The following AJUBA variants were observed in gnomAD, a reference collection of about 807,000 sequenced individuals.
The protein encoded by AJUBA is ajuba LIM protein, also known as LIM domain-containing protein ajuba.
A neutral mutation model predicts 53.3 loss-of-function variants in AJUBA; 20 were observed. That is an observed-to-expected ratio of 0.38 (90% CI 0.26 to 0.55). AJUBA has a LOEUF of 0.55. Among genes scored for constraint, AJUBA ranks in the 20% least tolerant of loss-of-function variants. AJUBA has a pLI of 0.80. For missense variants in AJUBA, 580 were observed against 730.5 expected, an observed-to-expected ratio of 0.79 and a Z score of 2.38; for synonymous variants, 296 against 306.2, an observed-to-expected ratio of 0.97 and a Z score of 0.35.
Position 22,979,964 on chromosome 14 carries a change from T to A in AJUBA, c.1006+1297A>T, listed in dbSNP as rs1173320372. Among the ~76,000 whole-genome samples the A allele has an allele frequency of 6.6e-6, 1 of 151,888 alleles. No individual in the cohort carries two copies. Among genetic ancestry groups the A allele is most frequent in the Non-Finnish European group, 1.5e-5 (1 of 67,994 alleles). On this transcript the variant is annotated intron_variant, in intron 1 of 7. Coordinates refer to ENST00000262713, the MANE Select transcript of AJUBA (RefSeq NM_032876.6). The surrounding 1 kb of genome is among the most constrained non-coding windows in gnomAD (Gnocchi z 4.0). ...GGTTTGGCATCATCTCCTCTGGGCTTTCCTCTCGGTGGATTTGGAGGTGGG... is the reference window on the plus strand; with the variant it reads ...GGTTTGGCATCATCTCCTCTGGGCTATCCTCTCGGTGGATTTGGAGGTGGG...
chr14:22,977,930 C>A (rs985798930), intron 2 of AJUBA, among the ~76,000 whole-genome samples: 3 of 151,596 alleles, frequency 2.0e-5, no homozygotes, highest in African/African-American at 4.9e-5. Flanking sequence ...ACCCCCCTCT[C>A]CGCCCCAAAC....
intron 4 of AJUBA, 23 bp from the exon 5 acceptor site, chr14:22,975,127 A>T (rs1309389278): frequency 6.2e-7 from 1 of 1,602,580 alleles, no homozygotes; most frequent in Non-Finnish European, 8.5e-7. Context: ...GTAGCAAGAG[A>T]ATCAGTCTCC....
chr14:22,976,684 G>A lies in AJUBA; in HGVS notation c.1137C>T (p.Tyr379=), dbSNP rs749462895. The A allele has an allele frequency of 1.9e-6, 3 of 1,614,076 alleles. No homozygotes were observed. The highest frequency in any genetic ancestry group is 2.2e-5 in the South Asian group (2 of 91,054). ...CACAGTACACAGAGCCATTGACACT[G>A]TAGAAAGCCTTGCAACGCAAAGTTC... The part of the protein sequence containing the change: ...CGRTLRCKAF[Y]SVNGSVYCEE... Residue 379 remains tyrosine (Y), a synonymous_variant, in exon 3 of 8, where the codon TAC becomes TAT. Transcript: ENST00000262713.
rs2045102123 is a variant in AJUBA, at chr14:22,981,863, G to A, written c.404C>T (p.Pro135Leu). Residue 135 changes from proline (P) to leucine (L), a missense_variant, in exon 1 of 8, where the codon CCG (proline) becomes CTG (leucine). Coordinates refer to ENST00000262713, the MANE Select transcript of AJUBA (RefSeq NM_032876.6). ...CAGCAGGCTGCCCCGGGGGCTGGACGGCTTGCTCGCGTCGCTGGCCGAGCT... is the reference window on the plus strand; with the variant it reads ...CAGCAGGCTGCCCCGGGGGCTGGACAGCTTGCTCGCGTCGCTGGCCGAGCT... ...ASSSASDASK[P>L]SSPRGSLLLD... The A allele has an allele frequency of 6.5e-7, 1 of 1,534,366 alleles. No individual in the cohort carries two copies. The highest frequency in any genetic ancestry group is 8.7e-7 in the Non-Finnish European group (1 of 1,145,972).
chr14:22,973,242 C>T lies in AJUBA; in HGVS notation c.*201G>A. The T allele has an allele frequency of 1.2e-6, 1 of 817,002 alleles. No homozygotes were observed. The highest frequency in any genetic ancestry group is 1.9e-6 in the Non-Finnish European group (1 of 539,156). The allele number at this position is 817,002 out of a possible 1,614,324, so 50.6% of individuals were successfully genotyped here. A position where few individuals can be genotyped will look rare whatever the true frequency, so the allele number is the denominator to read the frequency against. ...ACACATGGGAAAAAGGCCAGTCGCCCCCACCCTGGTAAATATAAGGTTTCT... is the reference window on the plus strand; with the variant it reads ...ACACATGGGAAAAAGGCCAGTCGCCTCCACCCTGGTAAATATAAGGTTTCT... On this transcript the variant is annotated 3_prime_UTR_variant, in exon 8 of 8. Transcript: ENST00000262713.
chr14:22,979,742 C>T lies in AJUBA; in HGVS notation c.1007-1297G>A, dbSNP rs894826621. ...AAAAGCAAACGAAACTGCTCAGGCA[C>T]GTTGGCCTCACCTCCTCTAACCCAG... On this transcript the variant is annotated intron_variant, in intron 1 of 7. Transcript: ENST00000262713. The surrounding 1 kb of genome is among the most constrained non-coding windows in gnomAD (Gnocchi z 4.0). Among the ~76,000 whole-genome samples the T allele has an allele frequency of 6.6e-6, 1 of 152,258 alleles. No homozygotes were observed. The highest frequency in any genetic ancestry group is 1.5e-5 in the Non-Finnish European group (1 of 68,042).
chr14:22,982,280 G>C lies in AJUBA; in HGVS notation c.-14C>G. On this transcript the variant is annotated 5_prime_UTR_variant, in exon 1 of 8. Transcript: ENST00000262713. ...TAACCGCTCCATGCCCTCGGGCCTGGGGCCTCTCGCCCCCTCCCCGCCTGG... is the reference window on the plus strand; with the variant it reads ...TAACCGCTCCATGCCCTCGGGCCTGCGGCCTCTCGCCCCCTCCCCGCCTGG... 6.2e-7 allele frequency: 1 copy of C among 1,611,172 alleles called. No homozygotes were observed. Among genetic ancestry groups the C allele is most frequent in the South Asian group, 1.1e-5 (1 of 90,880 alleles).
intron 7 of AJUBA, among the ~76,000 whole-genome samples, chr14:22,973,784 A>C (rs1380009830): frequency 2.6e-5 from 4 of 152,212 alleles, no homozygotes; most frequent in Non-Finnish European, 5.9e-5. Context: ...TAATGACACA[A>C]GCCTGTCTTT....
chr14:22,982,135 A>C lies in AJUBA; in HGVS notation c.132T>G (p.Pro44=). The C allele has an allele frequency of 6.2e-7, 1 of 1,606,514 alleles. No homozygotes were observed. The highest frequency in any genetic ancestry group is 8.5e-7 in the Non-Finnish European group (1 of 1,176,950). Residue 44 remains proline, a synonymous_variant, in exon 1 of 8, where the codon CCT becomes CCG. Transcript: ENST00000262713. ...TAGCTCCTCGGGGCCCTGACTTCCT[A>C]GGTCCCCCCAACCCACTTAGGCGCC... is the stretch of plus-strand genomic sequence containing the variant. ...GKGRLSGLGG[P]RKSGPRGATG...
At chr14:22,978,682 C>T (rs908955550) in intron 1 of AJUBA, 4 of 1,295,242 alleles carry the variant, frequency 3.1e-6, no homozygotes, top group African/African-American at 3.0e-5. Context: ...GTGCTTAACA[C>T]AGCACCACTA....
intron 1 of AJUBA, chr14:22,980,539 C>G (rs1218548439): frequency 3.1e-6 from 3 of 966,476 alleles, no homozygotes; most frequent in Non-Finnish European, 3.7e-6. Flanking sequence ...ACCCTGACTT[C>G]CGGAGGATGG....
intron 7 of AJUBA, 82 bp downstream of exon 7, chr14:22,973,965 A>G: frequency 1.3e-6 from 2 of 1,497,094 alleles, no homozygotes; most frequent in Non-Finnish European, 1.9e-6. Flanking sequence ...TCTCCCATAG[A>G]TGTCTGGTTG....
intron 2 of AJUBA, chr14:22,977,040 G>GCTGGAATA: frequency 8.3e-7 from 1 of 1,210,168 alleles, no homozygotes; most frequent in Non-Finnish European, 1.0e-6. Context: ...CCAACTACGT[G>GCTGGAATA]CTGGAATACG....
At chr14:22,973,714 G>A (rs1206963715) in intron 7 of AJUBA, 146 bp from the exon 8 acceptor site, 3 of 1,132,944 alleles carry the variant, frequency 2.6e-6, no homozygotes, top group East Asian at 5.1e-5. Context: ...GGATGGAAGA[G>A]CAATCTGAGA....
chr14:22,974,631 G>C (rs2045017229), intron 6 of AJUBA: 1 of 577,964 alleles, frequency 1.7e-6, no homozygotes, highest in East Asian at 2.9e-5. Context: ...AAGAGATGGA[G>C]CCTGGGCCCA....
chr14:22,980,361 G>A (rs543468052), intron 1 of AJUBA, among the ~76,000 whole-genome samples: 1 of 152,298 alleles, frequency 6.6e-6, no homozygotes, highest in South Asian at 2.1e-4. Context: ...ACAGAGTAGG[G>A]GAGGGAGACA....
chr14:22,979,208 A>G lies in AJUBA; in HGVS notation c.1007-763T>C. The G allele has an allele frequency of 2.1e-6, 2 of 932,706 alleles. No homozygotes were observed. The highest frequency in any genetic ancestry group is 2.6e-6 in the Non-Finnish European group (2 of 782,178). 57.8% of individuals were successfully genotyped at this position (932,706 alleles called of 1,614,324 possible). A position where few individuals can be genotyped will look rare whatever the true frequency, so the allele number is the denominator to read the frequency against. On this transcript the variant is annotated intron_variant, in intron 1 of 7. Transcript: ENST00000262713. The surrounding 1 kb of genome is among the most constrained non-coding windows in gnomAD (Gnocchi z 4.0). ...CAAAATCCCCCACTAAGATATATACACCTGGCTCTGGGACTTGCCTTTCCT... is the reference window on the plus strand; with the variant it reads ...CAAAATCCCCCACTAAGATATATACGCCTGGCTCTGGGACTTGCCTTTCCT...
At position 22,981,373 on chromosome 14, in the gene AJUBA, G is replaced by C. The variant is rs1019060030; in HGVS notation, c.894C>G (p.Arg298=). ...ACGGCTCAATCCCCGAGGGTTCTCC[G>C]CGGGCTCCGGCTTCTCGCCCACCGG... ...VGTGGREAGA[R]GEPSGIEPSG... Residue 298 remains arginine (R), a synonymous_variant, in exon 1 of 8, where the codon CGC becomes CGG. Transcript: ENST00000262713. 6.2e-7 allele frequency: 1 copy of C among 1,613,082 alleles called. No individual in the cohort carries two copies. Among genetic ancestry groups the C allele is most frequent in the Admixed American group, 1.7e-5 (1 of 60,000 alleles).
chr14:22,978,270 C>T (rs2045057023), intron 2 of AJUBA, 74 bp downstream of exon 2: 1 of 1,409,300 alleles, frequency 7.1e-7, no homozygotes, highest in Admixed American at 1.8e-5. Flanking sequence ...AGCTCTCCTC[C>T]TGTTCCCCAT....
Sources: allele counts gnomAD v4.1 joint callset (sites outside exome capture counted in the v4.1 genomes callset), GRCh38; gene constraint gnomAD v4.1.1; non-coding constraint Gnocchi (gnomAD v3.1); transcripts MANE v1.5; gene names NCBI Gene and HGNC (gene_info 2026-07-23, HGNC 2026-07-21).